FAM107B: variants seen among roughly 807,000 people sequenced by gnomAD.
FAM107B encodes the protein family with sequence similarity 107 member B, also known as protein FAM107B.
Under a neutral mutation model 31.5 loss-of-function variants are expected in FAM107B, and 21 were observed. That is an observed-to-expected ratio of 0.67 (90% CI 0.47 to 0.96). The LOEUF (loss-of-function observed/expected upper bound fraction) is 0.96, where lower values mean the gene tolerates loss of function less well. Among genes scored for constraint, FAM107B ranks in the 40% least tolerant of loss-of-function variants. FAM107B has a pLI of 0.00. For missense variants in FAM107B, 452 were observed against 377.1 expected (o/e 1.20, Z -1.64); for synonymous variants, 157 against 141.5 (o/e 1.11, Z -0.78).
At chr10:14,684,219 G>A (rs542334223) in intron 1 of FAM107B, among the ~76,000 whole-genome samples, 5 of 152,300 alleles carry the variant, frequency 3.3e-5, no homozygotes, top group East Asian at 1.9e-4. Flanking sequence ...TTAGGAGGCC[G>A]AGGCAGGTGG....
At chr10:14,723,222 C>T in intron 1 of FAM107B, 1 of 528,400 alleles carries the variant, frequency 1.9e-6, no homozygotes, top group Admixed American at 1.9e-5. Flanking sequence ...CAGTGGGAGC[C>T]ACAGATCAGT....
intron 1 of FAM107B, among the ~76,000 whole-genome samples, chr10:14,731,391 A>G (rs1041770016): frequency 8.6e-5 from 13 of 151,998 alleles, no homozygotes; most frequent in African/African-American, 3.1e-4. Flanking sequence ...GTGAAACCCC[A>G]TCTCTACTAA....
At chr10:14,542,599 C>G (rs1564545476) in intron 2 of FAM107B, 1 of 152,222 alleles carries the variant, frequency 6.6e-6, no homozygotes, top group East Asian at 1.9e-4. Flanking sequence ...GAAGGGCAGA[C>G]ATCAGATTTC....
rs142675426 is a variant in FAM107B, at chr10:14,532,965, G to C, written c.470-2450C>G. Among the ~76,000 whole-genome samples, 998 of 152,230 alleles carry C rather than the reference G, an allele frequency of 6.6e-3. 5 individuals carry two copies. Among genetic ancestry groups the C allele is most frequent in the Middle Eastern group, 0.031 (9 of 294 alleles). ...AGGCCACAGGGTAGGAGGGTGCCTG[G>C]GGGGGATGAGGAATGGCAAAGCGCG... is the stretch of plus-strand genomic sequence containing the variant. On this transcript the variant is annotated intron_variant, in intron 2 of 4. Transcript: ENST00000181796.
rs375173369 is a variant in FAM107B at position 14,774,728 on chromosome 10, C to T, written c.-65G>A. The T allele has an allele frequency of 8.0e-6, 12 of 1,509,310 alleles. No individual in the cohort carries two copies. The African/African-American group carries it at 1.2e-4, about 16-fold the overall frequency. The allele number at this position is 1,509,310 out of a possible 1,614,324, so 93.5% of individuals were successfully genotyped here. On this transcript the variant is annotated 5_prime_UTR_variant, in exon 1 of 5. Transcript: ENST00000181796. ...GAAATTTTCCAGGGGTCCACATCACCTCCACTTTGCTTATAGGAACTCTTT... is the reference window on the plus strand; with the variant it reads ...GAAATTTTCCAGGGGTCCACATCACTTCCACTTTGCTTATAGGAACTCTTT...
intron 1 of FAM107B, among the ~76,000 whole-genome samples, chr10:14,691,870 AG>A (rs1855144136): frequency 6.9e-6 from 1 of 144,240 alleles, no homozygotes; most frequent in Non-Finnish European, 1.5e-5. Context: ...AGCCAGCCTG[AG>A]CTACAGAGTG....
rs567071493 is a variant in FAM107B, at chr10:14,758,191, T to C, written c.411+16062A>G. 6.6e-5 allele frequency among the ~76,000 whole-genome samples: 10 copies of C among 152,338 alleles called. No homozygotes were observed. In the South Asian group the frequency reaches 2.1e-3, roughly 32 times the overall value. On this transcript the variant is annotated intron_variant, in intron 1 of 4. Transcript: ENST00000181796. ...TGGAAACTTCCTTTTCCCTTCCTAC[T>C]TTGTTCTGCCCCTGACTTGACAAAG...
intron 1 of FAM107B, among the ~76,000 whole-genome samples, chr10:14,744,566 C>A (rs1489386442): frequency 6.6e-6 from 1 of 151,976 alleles, no homozygotes; most frequent in Admixed American, 6.6e-5. Context: ...GAGATGTTGA[C>A]TTTTTTTGAA....
chr10:14,746,597 T>G lies in FAM107B; in HGVS notation c.411+27656A>C, dbSNP rs571220975. Among the ~76,000 whole-genome samples the G allele has an allele frequency of 2.0e-5, 3 of 152,344 alleles. No individual in the cohort carries two copies. In the South Asian group the frequency reaches 6.2e-4, roughly 32 times the overall value. ...TAAAATTCTGGGTTGGAAATTCTTTTCTTTAAGAATGTTGAATATTGACCC... is the reference window on the plus strand; with the variant it reads ...TAAAATTCTGGGTTGGAAATTCTTTGCTTTAAGAATGTTGAATATTGACCC... On this transcript the variant is annotated intron_variant, in intron 1 of 4. Transcript: ENST00000181796.
chr10:14,696,872 T>C (rs954386759), intron 1 of FAM107B, among the ~76,000 whole-genome samples: 35 of 152,174 alleles, frequency 2.3e-4, no homozygotes, highest in Non-Finnish European at 1.2e-4. Flanking sequence ...GACACTGTGG[T>C]TCAATTTCAG....
At chr10:14,565,651 T>C (rs1052429616) in intron 2 of FAM107B, among the ~76,000 whole-genome samples, 7 of 152,078 alleles carry the variant, frequency 4.6e-5, no homozygotes, top group South Asian at 4.1e-4. Flanking sequence ...GCTGGATACG[T>C]AGATATGACA....
chr10:14,560,604 CA>C (rs1850158306), intron 2 of FAM107B, among the ~76,000 whole-genome samples: 1 of 152,148 alleles, frequency 6.6e-6, no homozygotes, highest in Non-Finnish European at 1.5e-5. Flanking sequence ...GCTCGGAAGT[CA>C]GACATGGCTC....
At position 14,707,152 on chromosome 10, in the gene FAM107B, A is replaced by C. The variant is rs552845387; in HGVS notation, c.412-39461T>G. ...GAAAAAAACAAAACAACAACAACAA[A>C]AAAACAAAACAACAAAACAAAACAA... On this transcript the variant is annotated intron_variant, in intron 1 of 4. Coordinates refer to ENST00000181796, the MANE Select transcript of FAM107B (RefSeq NM_031453.4). 5.9e-3 allele frequency among the ~76,000 whole-genome samples: 899 copies of C among 152,154 alleles called. 8 individuals are homozygous for C. The highest frequency in any genetic ancestry group is 0.031 in the South Asian group (150 of 4,810).
intron 1 of FAM107B, among the ~76,000 whole-genome samples, chr10:14,735,869 A>G (rs1223208638): frequency 6.6e-6 from 1 of 152,162 alleles, no homozygotes; most frequent in East Asian, 1.9e-4. Flanking sequence ...GCATGACTAC[A>G]TTTCCTAGTG....
intron 2 of FAM107B, among the ~76,000 whole-genome samples, chr10:14,562,689 C>T (rs1850343510): frequency 6.6e-6 from 1 of 152,182 alleles, no homozygotes; most frequent in African/African-American, 2.4e-5. Flanking sequence ...TTTCTAAATC[C>T]AGGGGTAAGC....
intron 2 of FAM107B, among the ~76,000 whole-genome samples, chr10:14,630,320 T>G (rs1169715570): frequency 7.0e-6 from 1 of 142,076 alleles, no homozygotes; most frequent in Non-Finnish European, 1.5e-5. Flanking sequence ...GCAGAAAAAA[T>G]GGCTGAATTG....
chr10:14,624,632 T>C (rs1853107449), intron 2 of FAM107B, among the ~76,000 whole-genome samples: 1 of 151,796 alleles, frequency 6.6e-6, no homozygotes, highest in Admixed American at 6.6e-5. Context: ...CAAGACTCCG[T>C]TTCAAAAAAA....
chr10:14,686,002 C>T (rs1359819295), intron 1 of FAM107B, among the ~76,000 whole-genome samples: 3 of 152,152 alleles, frequency 2.0e-5, no homozygotes, highest in Non-Finnish European at 4.4e-5. Context: ...GACCTATTCA[C>T]TACCACGAGA....
chr10:14,602,703 G>A (rs1852438884), intron 2 of FAM107B: 1 of 152,072 alleles, frequency 6.6e-6, no homozygotes, highest in South Asian at 2.1e-4. Flanking sequence ...TTCATTTAAA[G>A]ACAAAAGTCA....
Sources: gnomAD v4.1 joint callset for allele counts (sites outside exome capture counted in the v4.1 genomes callset) on GRCh38, gnomAD v4.1.1 for gene constraint, MANE v1.5 for transcripts, NCBI Gene and HGNC (gene_info 2026-07-23, HGNC 2026-07-21) for gene names.